Variants in PLS1 observed in about 807,000 individuals in gnomAD.
PLS1 encodes the protein plastin 1, also known as plastin-1.
A neutral mutation model predicts 73.7 loss-of-function variants in PLS1; 32 were observed. The ratio of observed to expected loss-of-function variants is 0.43; its 90% CI spans 0.33 to 0.58. PLS1 has a LOEUF of 0.58. PLS1 is among the 20% of genes least tolerant of loss of function. The pLI, the probability that PLS1 is intolerant of heterozygous loss-of-function variation, is 0.04. For synonymous variants in PLS1, 217 were observed against 261.3 expected (o/e 0.83, Z 1.63); for missense variants, 633 against 740.5 (o/e 0.85, Z 1.68).
At chr3:142,692,015 G>C (rs528764945) in intron 10 of PLS1, among the ~76,000 whole-genome samples, 127 of 152,054 alleles carry the variant, frequency 8.4e-4, no homozygotes, top group Non-Finnish European at 1.5e-3. Context: ...TGACCTCTGT[G>C]AGCCTTGGTT....
At chr3:142,655,519 G>A (rs1376945917) in intron 1 of PLS1, among the ~76,000 whole-genome samples, 5 of 151,940 alleles carry the variant, frequency 3.3e-5, no homozygotes, top group Admixed American at 2.0e-4. Flanking sequence ...TCAGGAGTTC[G>A]AGACCAGCCT....
intron 1 of PLS1, among the ~76,000 whole-genome samples, chr3:142,662,598 T>C (rs1475664322): frequency 1.3e-5 from 2 of 152,160 alleles, no homozygotes; most frequent in African/African-American, 4.8e-5. Flanking sequence ...TTGCTAGATA[T>C]CAGAAGTCTT....
intron 1 of PLS1, among the ~76,000 whole-genome samples, chr3:142,649,335 CAAAAA>C (rs3055060): frequency 1.1e-5 from 1 of 93,512 alleles, no homozygotes; most frequent in Non-Finnish European, 2.0e-5. Context: ...GACCCTATGT[CAAAAA>C]AAAAAAAAAA....
intron 4 of PLS1, among the ~76,000 whole-genome samples, chr3:142,675,598 G>A (rs980935598): frequency 6.6e-6 from 1 of 151,906 alleles, no homozygotes; most frequent in Non-Finnish European, 1.5e-5. Context: ...TGTTGGCCAG[G>A]ATGGTCTTGC....
At chr3:142,663,446 C>A (rs1187493780) in intron 1 of PLS1, among the ~76,000 whole-genome samples, 1 of 152,048 alleles carries the variant, frequency 6.6e-6, no homozygotes, top group Admixed American at 6.6e-5. Flanking sequence ...GCCCCCTTGC[C>A]CCCAACTTTC....
chr3:142,711,104 T>G (rs971666202), intron 14 of PLS1, among the ~76,000 whole-genome samples: 2 of 152,230 alleles, frequency 1.3e-5, no homozygotes, highest in African/African-American at 4.8e-5. Context: ...CACTATTTCA[T>G]TTTTCTTTCT....
In PLS1 at chr3:142,712,038, CAT is replaced by C; in HGVS notation, c.*34_*35del. 6.3e-7 allele frequency: 1 copy of C among 1,590,516 alleles called. No homozygotes were observed. Among genetic ancestry groups the C allele is most frequent in the Non-Finnish European group, 8.6e-7 (1 of 1,159,168 alleles). Reference sequence around the variant, plus strand: ...TCATATGATTTTCTGCCACATTAAACATATTGTATGCCTCACAGTTTACAGGA... The same window carrying C: ...TCATATGATTTTCTGCCACATTAAACATTGTATGCCTCACAGTTTACAGGA... On this transcript the variant is annotated 3_prime_UTR_variant, in exon 16 of 16. Coordinates refer to ENST00000457734, the MANE Select transcript of PLS1 (RefSeq NM_001145319.2).
chr3:142,674,762 T>C (rs188864164), intron 4 of PLS1, among the ~76,000 whole-genome samples: 1 of 152,290 alleles, frequency 6.6e-6, no homozygotes, highest in East Asian at 1.9e-4. Context: ...AGAGTCTTGC[T>C]CTGTTGCCCA....
At chr3:142,599,662 C>T (rs1182897327) in intron 1 of PLS1, among the ~76,000 whole-genome samples, 1 of 152,116 alleles carries the variant, frequency 6.6e-6, no homozygotes, top group Non-Finnish European at 1.5e-5. Context: ...AGTGGGATAG[C>T]CAGAAGCTCT....
In PLS1 at chr3:142,712,297, C is replaced by T. The variant is rs1010277544; in HGVS notation, c.*290C>T. 4.4e-6 allele frequency: 1 copy of T among 226,792 alleles called. No homozygotes were observed. 14.0% of individuals were successfully genotyped at this position (226,792 alleles called of 1,614,324 possible). ...AAAGTCGTATTAGACAAGACTAAAT[C>T]ATTCTTTTTTATGGTTCAAAAAAGA... On this transcript the variant is annotated 3_prime_UTR_variant, in exon 16 of 16. Coordinates refer to ENST00000457734, the MANE Select transcript of PLS1 (RefSeq NM_001145319.2).
At chr3:142,686,479 A>C (rs995289856) in intron 9 of PLS1, 103 bp downstream of exon 9, 1 of 744,060 alleles carries the variant, frequency 1.3e-6, no homozygotes, top group Non-Finnish European at 2.4e-6. Context: ...CATTCAGTAC[A>C]TTTGCATTGT....
intron 1 of PLS1, among the ~76,000 whole-genome samples, chr3:142,610,964 C>T (rs1191235424): frequency 6.6e-6 from 1 of 152,148 alleles, no homozygotes; most frequent in East Asian, 1.9e-4. Flanking sequence ...TGTAAGGGGC[C>T]AAGTAATAAA....
intron 8 of PLS1, among the ~76,000 whole-genome samples, chr3:142,685,961 A>G (rs2037956481): frequency 6.6e-6 from 1 of 152,210 alleles, no homozygotes; most frequent in African/African-American, 2.4e-5. Context: ...GAATCCAGGG[A>G]AGGCATACGG....
intron 1 of PLS1, among the ~76,000 whole-genome samples, chr3:142,617,024 G>A (rs370258881): frequency 6.6e-6 from 1 of 152,228 alleles, no homozygotes; most frequent in South Asian, 2.1e-4. Context: ...ATGGACCATT[G>A]CCCAGTTAGC....
At chr3:142,617,977 C>T (rs2036245775) in intron 1 of PLS1, among the ~76,000 whole-genome samples, 1 of 151,926 alleles carries the variant, frequency 6.6e-6, no homozygotes, top group Admixed American at 6.6e-5. Flanking sequence ...GACTCTGTCT[C>T]AAAAAAGAAA....
At chr3:142,600,889 TATATATATATATATATATATA>T (rs2035902073) in intron 1 of PLS1, among the ~76,000 whole-genome samples, 3 of 20,142 alleles carry the variant, frequency 1.5e-4, no homozygotes, top group South Asian at 2.0e-3. Flanking sequence ...TATATATATA[TATATATATATATATATATATA>T]TATATATTTT....
chr3:142,618,262 A>AC (rs1404448878), intron 1 of PLS1, among the ~76,000 whole-genome samples: 2 of 151,802 alleles, frequency 1.3e-5, no homozygotes, highest in African/African-American at 2.4e-5. Flanking sequence ...AACTCTGCCT[A>AC]CCCCCCACCC....
At chr3:142,615,951 G>T (rs772443786) in intron 1 of PLS1, among the ~76,000 whole-genome samples, 8 of 151,568 alleles carry the variant, frequency 5.3e-5, no homozygotes, top group African/African-American at 2.0e-4. Context: ...ATCAAAGATT[G>T]TGGAGGATGG....
At chr3:142,610,656 A>G (rs1008527564) in intron 1 of PLS1, among the ~76,000 whole-genome samples, 1 of 151,758 alleles carries the variant, frequency 6.6e-6, no homozygotes, top group Admixed American at 6.6e-5. Context: ...CCCTTTCCCT[A>G]CTCTCTTCAG....
Sources: gnomAD v4.1 joint callset for allele counts (sites outside exome capture counted in the v4.1 genomes callset) on GRCh38, gnomAD v4.1.1 for gene constraint, MANE v1.5 for transcripts, NCBI Gene and HGNC (gene_info 2026-07-23, HGNC 2026-07-21) for gene names.